TARBP1: variants seen among roughly 807,000 people sequenced by gnomAD.
The protein encoded by TARBP1 is tRNA (guanosine(18)-2'-O)-methyltransferase TARBP1.
Under a neutral mutation model 178.6 loss-of-function variants are expected in TARBP1, and 144 were observed. The observed-to-expected ratio is 0.81, with a 90% CI of 0.70 to 0.93. The LOEUF is 0.93. Among genes scored for constraint, TARBP1 ranks in the 40% least tolerant of loss-of-function variants. The pLI is 0.00. For synonymous variants in TARBP1, 787 were observed against 781.0 expected (o/e 1.01, Z -0.13); for missense variants, 2,067 against 2,011.7 (o/e 1.03, Z -0.53).
intron 4 of TARBP1, among the ~76,000 whole-genome samples, chr1:234,466,195 C>G (rs138165361): frequency 5.0e-4 from 76 of 152,282 alleles, no homozygotes; most frequent in South Asian, 2.7e-3. Flanking sequence ...CAATATACCA[C>G]AGCATATATT....
rs1437959396 is a variant in TARBP1 at position 234,478,747 on chromosome 1, C to A, written c.357G>T (p.Ala119=). The change falls in exon 1 of 30, where the codon GCG becomes GCT. Residue 119 remains alanine, a synonymous_variant. Coordinates refer to ENST00000040877, the MANE Select transcript of TARBP1 (RefSeq NM_005646.4). ...GATCGCGCAGCGCCTCCTCAGCCAG[C>A]GCGGCCGCCAGCTGCGGACGCCCGG... is the stretch of plus-strand genomic sequence containing the variant. The part of the protein sequence containing the change: ...RLAGRPQLAA[A]LAEEALRDLL... 3 of 1,153,340 alleles carry A rather than the reference C, an allele frequency of 2.6e-6. No homozygotes were observed. Among genetic ancestry groups the A allele is most frequent in the Non-Finnish European group, 3.2e-6 (3 of 939,516 alleles). The allele number at this position is 1,153,340 out of a possible 1,614,324, so 71.4% of individuals were successfully genotyped here. A position where few individuals can be genotyped will look rare whatever the true frequency, so the allele number is the denominator to read the frequency against.
intron 25 of TARBP1, among the ~76,000 whole-genome samples, chr1:234,399,502 G>A (rs1458251596): frequency 6.6e-6 from 1 of 152,144 alleles, no homozygotes; most frequent in African/African-American, 2.4e-5. Context: ...TCTAGAACTA[G>A]AAATACCATT....
chr1:234,422,501 A>G (rs1385315755), intron 20 of TARBP1, among the ~76,000 whole-genome samples: 1 of 152,118 alleles, frequency 6.6e-6, no homozygotes, highest in Non-Finnish European at 1.5e-5. Flanking sequence ...CAAACTTCTC[A>G]TGTTTTCACT....
intron 22 of TARBP1, among the ~76,000 whole-genome samples, chr1:234,414,443 G>C (rs536018669): frequency 1.3e-5 from 2 of 152,276 alleles, no homozygotes; most frequent in African/African-American, 4.8e-5. Context: ...CACCATTTAA[G>C]AGGTAGGCAG....
rs1664714002 is a variant in TARBP1 at position 234,433,712 on chromosome 1, C to T, written c.2233-141G>A. ...AAAATAAGTTCTTTTCTCCAAGCAG[C>T]CTTCCATAACCTCCCACGCAGAGCT... On this transcript the variant is annotated intron_variant, in intron 13 of 29. Coordinates refer to ENST00000040877, the MANE Select transcript of TARBP1 (RefSeq NM_005646.4). 5.4e-6 allele frequency: 4 copies of T among 740,112 alleles called. No homozygotes were observed. In the East Asian group the frequency reaches 1.1e-4, roughly 20 times the overall value. 45.8% of individuals were successfully genotyped at this position (740,112 alleles called of 1,614,324 possible).
intron 26 of TARBP1, among the ~76,000 whole-genome samples, chr1:234,395,688 AG>A (rs1179194781): frequency 6.6e-6 from 1 of 152,232 alleles, no homozygotes; most frequent in Non-Finnish European, 1.5e-5. Context: ...TGAAAGTTAT[AG>A]TTACACAGGC....
intron 14 of TARBP1, among the ~76,000 whole-genome samples, chr1:234,432,633 G>C (rs887031353): frequency 2.0e-5 from 3 of 152,214 alleles, no homozygotes; most frequent in African/African-American, 4.8e-5. Flanking sequence ...ATGCTGCCAA[G>C]TGTATGCTGG....
Position 234,391,598 on chromosome 1 carries a change from C to A in TARBP1, c.4845G>T (p.Ser1615=), listed in dbSNP as rs3850717. 1.2e-6 allele frequency: 2 copies of A among 1,612,446 alleles called. No individual in the cohort carries two copies. The highest frequency in any genetic ancestry group is 8.5e-7 in the Non-Finnish European group (1 of 1,179,378). The part of the protein sequence containing the change: ...IWEYTRQQLL[S]HGDTKP ...CACATCATGGCTTGGTATCTCCGTG[C>A]GAGAGCAGCTGCTGCCTGGTGTACT... The change falls in exon 30 of 30, where the codon TCG becomes TCT. Residue 1615 remains serine, a synonymous_variant. Coordinates refer to ENST00000040877, the MANE Select transcript of TARBP1 (RefSeq NM_005646.4).
Position 234,459,265 on chromosome 1 carries a change from A to G in TARBP1, c.1597T>C (p.Tyr533His), listed in dbSNP as rs771369583. The stretch of plus-strand genomic sequence containing the variant: ...AAATTCATAGCTGTTTGAAGAAGGT[A>G]GCATTGGGCTGCCCCTCTCAGGAGA... ...QILLRGAAQCYLLQTAMNLLD... is the reference protein window; with the variant it reads ...QILLRGAAQCHLLQTAMNLLD... Residue 533 changes from tyrosine to histidine, a missense_variant, in exon 8 of 30, where the codon TAC becomes CAC. Physicochemically the swap from Tyr to His is moderately conservative, Grantham distance 83. Transcript: ENST00000040877. 3 of 1,612,964 alleles carry G rather than the reference A, an allele frequency of 1.9e-6. No individual in the cohort carries two copies. Among genetic ancestry groups the G allele is most frequent in the Non-Finnish European group, 2.5e-6 (3 of 1,179,684 alleles).
intron 5 of TARBP1, 93 bp downstream of exon 5, chr1:234,465,563 A>G: frequency 8.5e-7 from 1 of 1,182,762 alleles, no homozygotes; most frequent in Non-Finnish European, 1.2e-6. Context: ...ATTCAGCAAC[A>G]TACTGTATGT....
chr1:234,391,484 T>G lies in TARBP1; in HGVS notation c.*93A>C. The G allele has an allele frequency of 7.4e-7, 1 of 1,346,458 alleles. No individual in the cohort carries two copies. Among genetic ancestry groups the G allele is most frequent in the Non-Finnish European group, 9.9e-7 (1 of 1,013,838 alleles). The allele number at this position is 1,346,458 out of a possible 1,614,324, so 83.4% of individuals were successfully genotyped here. ...ATTGCAAGAAAAAAGAAATACAAATTATCACAATAAATTTCAGAATCTGTT... is the reference window on the plus strand; with the variant it reads ...ATTGCAAGAAAAAAGAAATACAAATGATCACAATAAATTTCAGAATCTGTT... On this transcript the variant is annotated 3_prime_UTR_variant, in exon 30 of 30. Transcript: ENST00000040877.
intron 6 of TARBP1, among the ~76,000 whole-genome samples, 164 bp from the exon 7 acceptor site, chr1:234,460,560 G>A (rs1667750019): frequency 1.3e-5 from 2 of 152,190 alleles, no homozygotes; most frequent in African/African-American, 4.8e-5. Context: ...TCAGAGTTGG[G>A]GAGGATGTGG....
chr1:234,440,407 GT>G (rs1252157071), intron 12 of TARBP1, among the ~76,000 whole-genome samples: 2 of 151,624 alleles, frequency 1.3e-5, no homozygotes, highest in Admixed American at 1.3e-4. Flanking sequence ...CCAAAAGCTG[GT>G]TCTTTGAAAA....
intron 6 of TARBP1, among the ~76,000 whole-genome samples, chr1:234,463,480 A>G (rs546872206): frequency 6.6e-6 from 1 of 152,182 alleles, no homozygotes; most frequent in Non-Finnish European, 1.5e-5. Flanking sequence ...ACTTGCCACA[A>G]TGAGTATTCT....
At chr1:234,474,775 T>C (rs1669427635) in intron 1 of TARBP1, among the ~76,000 whole-genome samples, 1 of 152,200 alleles carries the variant, frequency 6.6e-6, no homozygotes, top group South Asian at 2.1e-4. Context: ...CATTTAGATA[T>C]GTATCGTTTC....
At position 234,478,327 on chromosome 1, in the gene TARBP1, G is replaced by C; in HGVS notation, c.777C>G (p.Ala259=). ...TCCTCCAGAAGCGCCAGCAGCGCCGGGCGTCCGGGCCCGCCTCGCGCGCGC... is the reference window on the plus strand; with the variant it reads ...TCCTCCAGAAGCGCCAGCAGCGCCGCGCGTCCGGGCCCGCCTCGCGCGCGC... ...ARGAREAGPD[A]RRCWRFWRTV... Residue 259 remains alanine, a synonymous_variant, in exon 1 of 30, where the codon GCC becomes GCG. Coordinates refer to ENST00000040877, the MANE Select transcript of TARBP1 (RefSeq NM_005646.4). The C allele has an allele frequency of 7.3e-7, 1 of 1,367,494 alleles. No homozygotes were observed. Among genetic ancestry groups the C allele is most frequent in the African/African-American group, 1.5e-5 (1 of 66,286 alleles). 84.7% of individuals were successfully genotyped at this position (1,367,494 alleles called of 1,614,324 possible). A position where few individuals can be genotyped will look rare whatever the true frequency, so the allele number is the denominator to read the frequency against.
chr1:234,462,199 A>C (rs1399480205), intron 6 of TARBP1, among the ~76,000 whole-genome samples: 1 of 152,224 alleles, frequency 6.6e-6, no homozygotes, highest in Non-Finnish European at 1.5e-5. Context: ...ACATCGATTC[A>C]ACATATTTAC....
chr1:234,465,061 T>C (rs1293041612), intron 5 of TARBP1, among the ~76,000 whole-genome samples: 2 of 142,218 alleles, frequency 1.4e-5, no homozygotes, highest in Non-Finnish European at 3.0e-5. Flanking sequence ...TATGGATGGA[T>C]GGATGAACGG....
At chr1:234,394,216 T>C (rs1216689530) in intron 26 of TARBP1, among the ~76,000 whole-genome samples, 1 of 152,222 alleles carries the variant, frequency 6.6e-6, no homozygotes, top group Non-Finnish European at 1.5e-5. Flanking sequence ...CAAACAGCAG[T>C]ATATTAGATT....
Sources: allele counts gnomAD v4.1 joint callset (sites outside exome capture counted in the v4.1 genomes callset), GRCh38; gene constraint gnomAD v4.1.1; transcripts MANE v1.5; gene names NCBI Gene and HGNC (gene_info 2026-07-23, HGNC 2026-07-21).